Variants in CACNA1H observed in about 807,000 individuals in gnomAD.
CACNA1H encodes calcium voltage-gated channel subunit alpha1 H, also known as voltage-dependent T-type calcium channel subunit alpha-1H.
CACNA1H carries 149 observed loss-of-function variants against 192.5 expected under a neutral mutation model. That is an observed-to-expected ratio of 0.77 (90% CI 0.68 to 0.89). CACNA1H has a LOEUF of 0.89. CACNA1H is among the 40% of genes least tolerant of loss of function. The pLI, the probability that CACNA1H is intolerant of heterozygous loss-of-function variation, is 0.00. For synonymous variants in CACNA1H, 2,202 were observed against 1,475.2 expected (o/e 1.49, Z -11.29); for missense variants, 4,257 against 3,423.5 (o/e 1.24, Z -6.08).
rs2141343609 is a variant in CACNA1H at position 1,210,918 on chromosome 16, G to A, written c.4170G>A (p.Lys1390=). The A allele has an allele frequency of 1.2e-6, 2 of 1,603,054 alleles. No homozygotes were observed. The highest frequency in any genetic ancestry group is 1.7e-6 in the Non-Finnish European group (2 of 1,179,698). Reference sequence around the variant, plus strand: ...CCATGGCCTCGGCTGGTGGCGCCAAGATCCTGGGTGTTCTGCGCGTGCTGC... The same window carrying A: ...CCATGGCCTCGGCTGGTGGCGCCAAAATCCTGGGTGTTCTGCGCGTGCTGC... ...VVAMASAGGA[K]ILGVLRVLRL... The change falls in exon 21 of 35, where the codon AAG becomes AAA. Residue 1390 remains lysine, a synonymous_variant. Transcript: ENST00000348261.
At chr16:1,203,191 C>G (rs1159026461) in intron 9 of CACNA1H, among the ~76,000 whole-genome samples, 3 of 152,150 alleles carry the variant, frequency 2.0e-5, no homozygotes, top group African/African-American at 7.2e-5. Context: ...GCTCCTAGCC[C>G]TTGAATTGTG....
chr16:1,207,183 C>T lies in CACNA1H; in HGVS notation c.2907+65C>T, dbSNP rs1968833865. Reference sequence around the variant, plus strand: ...TGTGGTCCCCAGAGAGGTGGAGGTGCCGTCCTGCGCATCCATAGCTGCCTC... The same window carrying T: ...TGTGGTCCCCAGAGAGGTGGAGGTGTCGTCCTGCGCATCCATAGCTGCCTC... On this transcript the variant is annotated intron_variant, in intron 13 of 34. Transcript: ENST00000348261. The T allele has an allele frequency of 2.6e-6, 4 of 1,545,946 alleles. No individual in the cohort carries two copies. The Admixed American group carries it at 7.7e-5, about 30-fold the overall frequency.
chr16:1,180,936 GC>G lies in CACNA1H; in HGVS notation c.300-14034del, dbSNP rs1361984652. Among the ~76,000 whole-genome samples, 1 of 152,208 alleles carries G rather than the reference GC, an allele frequency of 6.6e-6. No homozygotes were observed. The highest frequency in any genetic ancestry group is 6.5e-5 in the Admixed American group (1 of 15,288). ...TCACCCCGTCTTCCCGCAGGAAAGCGCCTTGGCGGGACTGCTTCCGCCAGCT... is the reference window on the plus strand; with the variant it reads ...TCACCCCGTCTTCCCGCAGGAAAGCGCTTGGCGGGACTGCTTCCGCCAGCT... On this transcript the variant is annotated intron_variant, in intron 2 of 34. Coordinates refer to ENST00000348261, the MANE Select transcript of CACNA1H (RefSeq NM_021098.3). This position sits in a 1 kb window ranked among gnomAD's most constrained non-coding sequence, Gnocchi z 4.4.
intron 6 of CACNA1H, among the ~76,000 whole-genome samples, 198 bp from the exon 7 acceptor site, chr16:1,200,058 C>G (rs115584807): frequency 6.6e-6 from 1 of 152,106 alleles, no homozygotes; most frequent in Non-Finnish European, 1.5e-5. Context: ...TGGCTGTGTC[C>G]CCTGATCCGG....
At chr16:1,158,115 C>A (rs1426838280) in intron 2 of CACNA1H, 2 of 152,302 alleles carry the variant, frequency 1.3e-5, no homozygotes, top group African/African-American at 4.8e-5. Context: ...GGTGTGGGTT[C>A]CCACTGAGCC....
At chr16:1,165,317 C>G (rs544309471) in intron 2 of CACNA1H, among the ~76,000 whole-genome samples, 4 of 152,200 alleles carry the variant, frequency 2.6e-5, no homozygotes, top group African/African-American at 9.7e-5. Context: ...TCGGCAGACC[C>G]AGACCCCAGT....
intron 2 of CACNA1H, among the ~76,000 whole-genome samples, chr16:1,179,387 C>T (rs978819489): frequency 2.0e-5 from 3 of 152,072 alleles, no homozygotes; most frequent in South Asian, 4.1e-4. Flanking sequence ...CCTGCCCCCG[C>T]GAGGTTGGGG....
chr16:1,204,389 C>T lies in CACNA1H; in HGVS notation c.2382C>T (p.Tyr794=), dbSNP rs957047269. 2.2e-5 allele frequency: 34 copies of T among 1,559,486 alleles called. No individual in the cohort carries two copies. Among genetic ancestry groups the T allele is most frequent in the Non-Finnish European group, 2.8e-5 (32 of 1,154,100 alleles). The change falls in exon 10 of 35, where the codon TAC becomes TAT. Residue 794 remains tyrosine, a synonymous_variant. Transcript: ENST00000348261. ...GKLRRIVDSK[Y]FSRGIMMAIL... ...TGCGCCGCATCGTGGACAGCAAGTA[C>T]TTCAGCCGTGGCATCATGATGGCCA...
In CACNA1H at chr16:1,207,817, C is replaced by T. The variant is rs1189015867; in HGVS notation, c.3111C>T (p.His1037=). The part of the protein sequence containing the change: ...SDTDEDKTSV[H]FEEDFHKLRE... ...CGGACGAGGACAAGACGTCGGTCCA[C>T]TTCGAGGAGGACTTCCACAAGCTCA... Residue 1037 remains histidine, a synonymous_variant, in exon 15 of 35, where the codon CAC becomes CAT. Transcript: ENST00000348261. 6.2e-7 allele frequency: 1 copy of T among 1,602,520 alleles called. No homozygotes were observed.
intron 26 of CACNA1H, among the ~76,000 whole-genome samples, chr16:1,213,278 G>A (rs1294084407): frequency 6.6e-6 from 1 of 152,194 alleles, no homozygotes; most frequent in Non-Finnish European, 1.5e-5. Context: ...ACCCAGAGAT[G>A]GAGTGGGGCT....
At chr16:1,212,396 C>A in intron 25 of CACNA1H, 115 bp from the exon 26 acceptor site, 1 of 1,182,856 alleles carries the variant, frequency 8.5e-7, no homozygotes, top group Non-Finnish European at 1.2e-6. Context: ...CGAGTCCTCA[C>A]TCCACGAGGA....
At chr16:1,165,038 G>T (rs1211163065) in intron 2 of CACNA1H, among the ~76,000 whole-genome samples, 2 of 152,170 alleles carry the variant, frequency 1.3e-5, no homozygotes, top group Non-Finnish European at 2.9e-5. Flanking sequence ...AAGGACACCT[G>T]TGCAGGGGTG....
In CACNA1H at chr16:1,169,624, C is replaced by T. The variant is rs1445799195; in HGVS notation, c.299+15588C>T. 3.3e-5 allele frequency among the ~76,000 whole-genome samples: 5 copies of T among 152,238 alleles called. 1 individual carries two copies. The highest frequency in any genetic ancestry group is 3.3e-4 in the Admixed American group (5 of 15,294). On this transcript the variant is annotated intron_variant, in intron 2 of 34. Coordinates refer to ENST00000348261, the MANE Select transcript of CACNA1H (RefSeq NM_021098.3). ...CTCCGCCCATCAGCCGGCTCCCGGG[C>T]TCCCGGTGCTTCCCTCGGAGATCAG...
intron 2 of CACNA1H, among the ~76,000 whole-genome samples, chr16:1,182,767 C>A (rs183913981): frequency 6.6e-6 from 1 of 152,118 alleles, no homozygotes; most frequent in Non-Finnish European, 1.5e-5. Flanking sequence ...AGCCCCCCGA[C>A]GAGGCTGTCA....
chr16:1,192,376 T>C (rs1966700944), intron 2 of CACNA1H, among the ~76,000 whole-genome samples: 1 of 152,206 alleles, frequency 6.6e-6, no homozygotes, highest in Non-Finnish European at 1.5e-5. Context: ...GCAGCTTTCA[T>C]GGTGACTGGC....
Position 1,194,999 on chromosome 16 carries a change from A to C in CACNA1H, c.327A>C (p.Val109=), listed in dbSNP as rs775473074. 10 of 1,611,688 alleles carry C rather than the reference A, an allele frequency of 6.2e-6. No homozygotes were observed. The highest frequency in any genetic ancestry group is 1.1e-5 in the South Asian group (1 of 91,046). The change falls in exon 3 of 35, where the codon GTA becomes GTC. Residue 109 remains valine (V), a synonymous_variant. Transcript: ENST00000348261. ...GGTTCGAGCACGTGAGCATGCTGGT[A>C]ATCATGCTCAACTGCGTGACCCTGG... The part of the protein sequence containing the change: ...NPWFEHVSML[V]IMLNCVTLGM...
chr16:1,218,677 G>T, intron 33 of CACNA1H, 26 bp downstream of exon 33: 2 of 1,511,874 alleles, frequency 1.3e-6, no homozygotes, highest in Non-Finnish European at 1.8e-6. Context: ...GGAAGATATG[G>T]GCTGGGTGGG....
rs374276035 is a variant in CACNA1H at position 1,211,657 on chromosome 16, C to T, written c.4476+51C>T. On this transcript the variant is annotated intron_variant, in intron 23 of 34. Coordinates refer to ENST00000348261, the MANE Select transcript of CACNA1H (RefSeq NM_021098.3). ...TGGGGGTCTCCAGGACACCCTGGAG[C>T]GAGAGGGCCGGCGACCCCAGCTCTA... 20 of 1,609,342 alleles carry T rather than the reference C, an allele frequency of 1.2e-5. 1 individual carries two copies. The highest frequency in any genetic ancestry group is 5.3e-5 in the African/African-American group (4 of 74,846).
intron 1 of CACNA1H, 69 bp downstream of exon 1, chr16:1,153,539 CG>C: frequency 5.3e-6 from 1 of 189,800 alleles, no homozygotes; most frequent in Non-Finnish European, 8.1e-6. Context: ...GGGAGCCCCT[CG>C]GGGTGGGGGT....
Sources: allele counts gnomAD v4.1 joint callset (sites outside exome capture counted in the v4.1 genomes callset), GRCh38; gene constraint gnomAD v4.1.1; non-coding constraint Gnocchi (gnomAD v3.1); transcripts MANE v1.5; gene names NCBI Gene and HGNC (gene_info 2026-07-23, HGNC 2026-07-21).